ICA1: variants seen among roughly 807,000 people sequenced by gnomAD.
ICA1 encodes the protein 69 kDa islet cell autoantigen.
Under a neutral mutation model 71.0 loss-of-function variants are expected in ICA1, and 40 were observed. The ratio of observed to expected loss-of-function variants is 0.56; its 90% CI spans 0.44 to 0.73. The LOEUF (loss-of-function observed/expected upper bound fraction) is 0.73. Ranked by LOEUF, ICA1 falls within the 30% of genes least tolerant of loss-of-function variation. ICA1 has a pLI of 0.00. For missense variants in ICA1, 578 were observed against 576.5 expected (o/e 1.00, Z -0.03); for synonymous variants, 207 against 209.5 (o/e 0.99, Z 0.10).
intron 6 of ICA1, among the ~76,000 whole-genome samples, chr7:8,166,398 A>G (rs1223711532): frequency 6.6e-6 from 1 of 152,178 alleles, no homozygotes; most frequent in Non-Finnish European, 1.5e-5. Flanking sequence ...TGGAGAAAGG[A>G]CTCCATATTC....
At chr7:8,254,678 G>A (rs146090385) in intron 1 of ICA1, among the ~76,000 whole-genome samples, 2 of 151,932 alleles carry the variant, frequency 1.3e-5, no homozygotes, top group Non-Finnish European at 2.9e-5. Context: ...GGCAGACCAG[G>A]TAGAAAACCC....
chr7:8,174,536 G>GT (rs751389795), intron 6 of ICA1, among the ~76,000 whole-genome samples: 7 of 152,150 alleles, frequency 4.6e-5, no homozygotes, highest in Middle Eastern at 3.4e-3. Context: ...GTTCACGCCT[G>GT]TAATCCCAGC....
chr7:8,206,733 GAAA>G (rs60704635), intron 6 of ICA1, among the ~76,000 whole-genome samples: 4,099 of 135,476 alleles, frequency 0.03, 146 homozygotes, highest in African/African-American at 0.12. Flanking sequence ...GGTTTAAAAT[GAAA>G]AAAAAAAAAA....
At chr7:8,155,945 C>A (rs1259181118) in intron 8 of ICA1, among the ~76,000 whole-genome samples, 1 of 152,206 alleles carries the variant, frequency 6.6e-6, no homozygotes, top group Non-Finnish European at 1.5e-5. Flanking sequence ...AAAGCTCCTT[C>A]CCCTGAAGTG....
chr7:8,211,255 T>TA (rs1159366613), intron 6 of ICA1, among the ~76,000 whole-genome samples: 1 of 152,116 alleles, frequency 6.6e-6, no homozygotes, highest in Non-Finnish European at 1.5e-5. Context: ...ATGGTAACTA[T>TA]AAAAAAGAGT....
At chr7:8,177,613 G>A (rs1781013706) in intron 6 of ICA1, among the ~76,000 whole-genome samples, 1 of 152,072 alleles carries the variant, frequency 6.6e-6, no homozygotes, top group African/African-American at 2.4e-5. Flanking sequence ...GTGAAAAGCT[G>A]AAGAATTTGC....
At chr7:8,191,056 T>C (rs991067577) in intron 6 of ICA1, among the ~76,000 whole-genome samples, 3 of 152,188 alleles carry the variant, frequency 2.0e-5, no homozygotes, top group Admixed American at 6.5e-5. Context: ...TGAGGAACCA[T>C]CGTCTGACTC....
At chr7:8,138,220 T>C (rs1794061301) in intron 12 of ICA1, among the ~76,000 whole-genome samples, 1 of 152,170 alleles carries the variant, frequency 6.6e-6, no homozygotes, top group East Asian at 1.9e-4. Context: ...CATAAGTGAT[T>C]TTAGGTTTGG....
At chr7:8,161,925 G>A (rs12333880) in intron 6 of ICA1, among the ~76,000 whole-genome samples, 1 of 152,178 alleles carries the variant, frequency 6.6e-6, no homozygotes. Flanking sequence ...GATATAAACT[G>A]TAAGGAAACA....
chr7:8,232,049 C>T (rs936644327), intron 3 of ICA1, among the ~76,000 whole-genome samples: 1 of 152,116 alleles, frequency 6.6e-6, no homozygotes, highest in Non-Finnish European at 1.5e-5. Context: ...GCAGAAATGT[C>T]CAGCAAGACA....
intron 6 of ICA1, among the ~76,000 whole-genome samples, chr7:8,212,569 C>T (rs1317728156): frequency 1.3e-5 from 2 of 152,072 alleles, no homozygotes; most frequent in African/African-American, 4.8e-5. Flanking sequence ...TGTCTCAAAA[C>T]AAACAAAACA....
chr7:8,227,875 T>C (rs761780436), intron 4 of ICA1: 1 of 450,838 alleles, frequency 2.2e-6, no homozygotes, highest in Non-Finnish European at 4.5e-6. Flanking sequence ...TGTCAGACAA[T>C]GCACCCAGCC....
rs568302003 is a variant in ICA1 at position 8,191,494 on chromosome 7, G to A, written c.579+26811C>T. Among the ~76,000 whole-genome samples, 54 of 152,274 alleles carry A rather than the reference G, an allele frequency of 3.5e-4. 1 individual carries two copies. The South Asian group carries it at 6.6e-3, about 19-fold the overall frequency. On this transcript the variant is annotated intron_variant, in intron 6 of 13. Transcript: ENST00000402384. ...AGCACTGTAGTATAGTATAGGTTTT[G>A]TGTTAGATGATTTTGCCCCACTGTA...
At chr7:8,169,595 A>C (rs1308674440) in intron 6 of ICA1, among the ~76,000 whole-genome samples, 1 of 152,068 alleles carries the variant, frequency 6.6e-6, no homozygotes, top group Non-Finnish European at 1.5e-5. Flanking sequence ...CATTTCTCTA[A>C]TGACTAATGA....
chr7:8,249,054 A>T (rs933980371), intron 1 of ICA1, among the ~76,000 whole-genome samples: 1 of 152,248 alleles, frequency 6.6e-6, no homozygotes, highest in Non-Finnish European at 1.5e-5. Context: ...ATTATAAATC[A>T]CTATGTGCCC....
chr7:8,233,290 G>T (rs1270163018), intron 2 of ICA1, among the ~76,000 whole-genome samples: 4 of 152,176 alleles, frequency 2.6e-5, no homozygotes, highest in African/African-American at 9.7e-5. Context: ...TGGCTAGAAG[G>T]TAGGAAGAAA....
In ICA1 at chr7:8,223,720, G is replaced by C. The variant is rs2128432687; in HGVS notation, c.257-2322C>G. ...AGGCAGGAGGATTGCTTGATACTAG[G>C]AGTTCAAGACCAGCCTGTGCAACAT... On this transcript the variant is annotated intron_variant, in intron 4 of 13. Coordinates refer to ENST00000402384, the MANE Select transcript of ICA1 (RefSeq NM_001136020.3). The surrounding 1 kb of genome is among the most constrained non-coding windows in gnomAD (Gnocchi z 4.1). Among the ~76,000 whole-genome samples the C allele has an allele frequency of 6.6e-6, 1 of 152,198 alleles. No individual in the cohort carries two copies. The highest frequency in any genetic ancestry group is 2.4e-5 in the African/African-American group (1 of 41,540).
intron 1 of ICA1, among the ~76,000 whole-genome samples, chr7:8,254,322 G>A (rs1299503906): frequency 6.6e-6 from 1 of 151,886 alleles, no homozygotes; most frequent in African/African-American, 2.4e-5. Flanking sequence ...TTAAGCTGTG[G>A]CAGGTAAATC....
intron 6 of ICA1, among the ~76,000 whole-genome samples, chr7:8,160,666 A>G (rs1047518100): frequency 3.9e-5 from 6 of 152,222 alleles, no homozygotes; most frequent in Non-Finnish European, 7.3e-5. Context: ...GTCTATAGCT[A>G]TGTCAAAACT....
Sources: gnomAD v4.1 joint callset for allele counts (sites outside exome capture counted in the v4.1 genomes callset) on GRCh38, gnomAD v4.1.1 for gene constraint, Gnocchi (gnomAD v3.1) non-coding constraint, MANE v1.5 for transcripts, NCBI Gene and HGNC (gene_info 2026-07-23, HGNC 2026-07-21) for gene names.